SLC5A1: variants seen among roughly 807,000 people sequenced by gnomAD.
The protein encoded by SLC5A1 is sodium/glucose cotransporter 1.
In SLC5A1, 42 loss-of-function variants were observed where a neutral mutation model predicts 73.5. The ratio of observed to expected loss-of-function variants is 0.57; its 90% CI spans 0.45 to 0.74. The LOEUF is 0.74. SLC5A1 is among the 30% of genes least tolerant of loss of function. The pLI is 0.00. For missense variants in SLC5A1, 634 were observed against 855.4 expected, an observed-to-expected ratio of 0.74 and a Z score of 3.23; for synonymous variants, 300 against 317.4, an observed-to-expected ratio of 0.95 and a Z score of 0.58.
At position 32,097,107 on chromosome 22, in the gene SLC5A1, G is replaced by A. The variant is rs529096681; in HGVS notation, c.1281-2076G>A. ...TTGCCTCGTTAGGGATGAATCCCAT[G>A]GCCCTGAGACTATGTTGGGGCTCAC... On this transcript the variant is annotated intron_variant, in intron 11 of 14. Coordinates refer to ENST00000266088, the MANE Select transcript of SLC5A1 (RefSeq NM_000343.4). 4.6e-5 allele frequency among the ~76,000 whole-genome samples: 7 copies of A among 152,340 alleles called. No homozygotes were observed. The South Asian group carries it at 1.4e-3, about 32-fold the overall frequency.
intron 1 of SLC5A1, among the ~76,000 whole-genome samples, chr22:32,049,091 A>ATAT (rs1569298594): frequency 5.5e-4 from 71 of 129,010 alleles, no homozygotes; most frequent in African/African-American, 1.6e-3. Context: ...TAAATAAATA[A>ATAT]ATATATATAT....
chr22:32,104,185 G>A (rs961615667), intron 13 of SLC5A1, among the ~76,000 whole-genome samples: 4 of 152,212 alleles, frequency 2.6e-5, no homozygotes. Flanking sequence ...ACCTGTCACA[G>A]GCTTTCTTTG....
chr22:32,068,125 A>G (rs2093977123), intron 4 of SLC5A1, 99 bp downstream of exon 4: 1 of 1,194,032 alleles, frequency 8.4e-7, no homozygotes, highest in Non-Finnish European at 1.3e-6. Flanking sequence ...TAAATGGCAG[A>G]AAAATCTGTG....
rs33975915 is a variant in SLC5A1, at chr22:32,102,128, C to T, written c.1556C>T (p.Thr519Met). 1.0e-4 allele frequency: 164 copies of T among 1,613,940 alleles called. No homozygotes were observed. In the East Asian group the frequency reaches 1.3e-3, roughly 13 times the overall value. The change falls in exon 13 of 15, where the codon ACG becomes ATG. Residue 519 changes from threonine to methionine, a missense_variant. By Grantham distance (81) the Thr-to-Met change is moderately conservative. This residue lies in a region of SLC5A1 where 422 missense variants were observed against 626.1 expected (regional missense o/e 0.67). Transcript: ENST00000266088. ...GSCMEPSNCP[T>M]IICGVHYLYF... ...TGCATGGAGCCCAGCAACTGTCCCACGATTATCTGTGGGGTGCACTACTTG... is the reference window on the plus strand; with the variant it reads ...TGCATGGAGCCCAGCAACTGTCCCATGATTATCTGTGGGGTGCACTACTTG...
rs1038474225 is a variant in SLC5A1, at chr22:32,056,691, G to A, written c.207+6677G>A. 7.9e-5 allele frequency among the ~76,000 whole-genome samples: 12 copies of A among 152,188 alleles called. 1 individual carries two copies. Among genetic ancestry groups the A allele is most frequent in the Admixed American group, 4.6e-4 (7 of 15,280 alleles). ...GGGATCTCCCGATATCCCTTAAAGA[G>A]AAGGACAAAAGCAGGGAGCAGGAAG... is the stretch of plus-strand genomic sequence containing the variant. On this transcript the variant is annotated intron_variant, in intron 2 of 14. Coordinates refer to ENST00000266088, the MANE Select transcript of SLC5A1 (RefSeq NM_000343.4).
intron 5 of SLC5A1, among the ~76,000 whole-genome samples, chr22:32,080,613 G>A (rs7287435): frequency 0.037 from 5,658 of 152,244 alleles, 195 homozygotes; most frequent in African/African-American, 0.083. Flanking sequence ...TTTGCGTGCC[G>A]TGAAATGTTA....
intron 5 of SLC5A1, among the ~76,000 whole-genome samples, chr22:32,073,170 T>G (rs549585002): frequency 6.6e-6 from 1 of 152,364 alleles, no homozygotes; most frequent in South Asian, 2.1e-4. Flanking sequence ...ATAGTTTTAG[T>G]GCTTATATTT....
chr22:32,103,206 C>T (rs1797861219), intron 13 of SLC5A1, among the ~76,000 whole-genome samples: 1 of 152,090 alleles, frequency 6.6e-6, no homozygotes, highest in Non-Finnish European at 1.5e-5. Flanking sequence ...TTGAGGATTC[C>T]CCTTTCTCCC....
At chr22:32,062,005 C>T (rs2093963910) in intron 2 of SLC5A1, among the ~76,000 whole-genome samples, 1 of 152,192 alleles carries the variant, frequency 6.6e-6, no homozygotes, top group African/African-American at 2.4e-5. Flanking sequence ...GAAACCATCC[C>T]TGTCCTCAGA....
At chr22:32,093,020 G>A (rs1603136411) in intron 11 of SLC5A1, among the ~76,000 whole-genome samples, 1 of 152,122 alleles carries the variant, frequency 6.6e-6, no homozygotes, top group South Asian at 2.1e-4. Context: ...TCCTGCATGT[G>A]GCTTGCCAAT....
chr22:32,076,105 C>T (rs1015086683), intron 5 of SLC5A1, among the ~76,000 whole-genome samples: 11 of 152,156 alleles, frequency 7.2e-5, no homozygotes, highest in Non-Finnish European at 1.0e-4. Context: ...AACCAGGGAC[C>T]TGCCACGAAG....
intron 5 of SLC5A1, among the ~76,000 whole-genome samples, chr22:32,070,474 A>T (rs1302413788): frequency 6.6e-6 from 1 of 151,540 alleles, no homozygotes; most frequent in African/African-American, 2.4e-5. Flanking sequence ...CTGGGGCTAC[A>T]GGTGTGTTCC....
At position 32,110,148 on chromosome 22, in the gene SLC5A1, G is replaced by A. The variant is rs199996478; in HGVS notation, c.1930G>A (p.Val644Met). Residue 644 changes from valine (V) to methionine (M), a missense_variant, in exon 15 of 15, where the codon GTG (valine) becomes ATG (methionine). Physicochemically the swap from Val to Met is conservative, Grantham distance 21. This residue lies in a region of SLC5A1 where 161 missense variants were observed against 178.7 expected (regional missense o/e 0.90). Coordinates refer to ENST00000266088, the MANE Select transcript of SLC5A1 (RefSeq NM_000343.4). The part of the protein sequence containing the change: ...DTSEKPLWRT[V>M]LNVNGIILVT... ...CTCTGAGAAGCCTTTGTGGAGGACA[G>A]TGTTGAACGTCAATGGCATCATCCT... The A allele has an allele frequency of 1.2e-5, 19 of 1,614,084 alleles. No individual in the cohort carries two copies. Among genetic ancestry groups the A allele is most frequent in the African/African-American group, 6.7e-5 (5 of 74,926 alleles).
intron 11 of SLC5A1, among the ~76,000 whole-genome samples, chr22:32,095,163 T>C (rs144671172): frequency 1.1e-3 from 171 of 152,348 alleles, no homozygotes; most frequent in Non-Finnish European, 1.9e-3. Flanking sequence ...AAGGTTCCCT[T>C]TGAAGTTGAT....
In SLC5A1 at chr22:32,068,499, G is replaced by A. The variant is rs755492123; in HGVS notation, c.376G>A (p.Val126Met). ...FVPIYIKAGV[V>M]TMPEYLRKRF... The stretch of plus-strand genomic sequence containing the variant: ...ACCTCCCTCGCACCCCATGCAGGTG[G>A]TGACAATGCCAGAGTACCTGAGGAA... Residue 126 changes from valine (V) to methionine (M), a missense_variant, in exon 5 of 15, where the codon GTG (valine) becomes ATG (methionine). Physicochemically the swap from Val to Met is conservative, Grantham distance 21. This residue lies in a region of SLC5A1 where 422 missense variants were observed against 626.1 expected (regional missense o/e 0.67). Transcript: ENST00000266088. 9 of 1,612,060 alleles carry A rather than the reference G, an allele frequency of 5.6e-6. No individual in the cohort carries two copies. The South Asian group carries it at 8.8e-5, about 16-fold the overall frequency.
chr22:32,099,427 G>A, intron 12 of SLC5A1, 76 bp downstream of exon 12: 1 of 1,332,724 alleles, frequency 7.5e-7, no homozygotes, highest in Non-Finnish European at 1.1e-6. Flanking sequence ...TATTCTCTGT[G>A]GGAGGGATTC....
intron 9 of SLC5A1, 139 bp from the exon 10 acceptor site, chr22:32,086,081 C>A (rs968272787): frequency 1.5e-6 from 1 of 661,012 alleles, no homozygotes; most frequent in Admixed American, 1.9e-5. Context: ...GCAGAGCTTG[C>A]AGTGAGCCGA....
intron 2 of SLC5A1, among the ~76,000 whole-genome samples, chr22:32,063,526 C>T (rs549425230): frequency 5.3e-5 from 8 of 152,138 alleles, no homozygotes; most frequent in Admixed American, 1.3e-4. Flanking sequence ...TGAAACCTTG[C>T]TATATTCCTA....
intron 11 of SLC5A1, 127 bp downstream of exon 11, chr22:32,091,889 A>T (rs2094018512): frequency 2.4e-6 from 2 of 850,676 alleles, no homozygotes; most frequent in South Asian, 2.8e-5. Flanking sequence ...GTGGCTGGTT[A>T]TATGTGCCAT....
Sources: allele counts gnomAD v4.1 joint callset (sites outside exome capture counted in the v4.1 genomes callset), GRCh38; gene constraint gnomAD v4.1.1; regional missense constraint gnomAD v4.1.1; transcripts MANE v1.5; gene names NCBI Gene and HGNC (gene_info 2026-07-23, HGNC 2026-07-21).